Variants in CAPN8 observed in about 807,000 individuals in gnomAD.
CAPN8 encodes calpain 8, also known as calpain-8.
CAPN8 carries 87 observed loss-of-function variants against 80.9 expected under a neutral mutation model. The observed-to-expected ratio is 1.07, with a 90% confidence interval of 0.90 to 1.28. CAPN8 has a LOEUF of 1.28. Among genes scored for constraint, CAPN8 ranks in the 50% most tolerant of loss-of-function variants. The pLI is 0.00. For missense variants in CAPN8, 757 were observed against 702.0 expected (o/e 1.08, Z -0.89); for synonymous variants, 299 against 273.8 (o/e 1.09, Z -0.91).
chr1:223,665,648 G>A lies in CAPN8; in HGVS notation c.-2C>T. On this transcript the variant is annotated 5_prime_UTR_variant, in exon 1 of 21. Coordinates refer to ENST00000366872, the MANE Select transcript of CAPN8 (RefSeq NM_001143962.2). Reference sequence around the variant, plus strand: ...TACACCAGCTGCCTGGGCTGCCATGGCCGTGGGCTCTGTAGGGTGGACAGA... The same window carrying A: ...TACACCAGCTGCCTGGGCTGCCATGACCGTGGGCTCTGTAGGGTGGACAGA... 1 of 1,550,782 alleles carries A rather than the reference G, an allele frequency of 6.4e-7. No individual in the cohort carries two copies. Among genetic ancestry groups the A allele is most frequent in the Non-Finnish European group, 8.7e-7 (1 of 1,146,692 alleles).
intron 1 of CAPN8, among the ~76,000 whole-genome samples, chr1:223,659,068 C>G (rs1379682705): frequency 6.6e-6 from 1 of 152,168 alleles, no homozygotes; most frequent in African/African-American, 2.4e-5. Context: ...TTTTCTATTA[C>G]TCAAGCGAGG....
At chr1:223,551,299 C>T (rs533970217) in intron 14 of CAPN8, among the ~76,000 whole-genome samples, 7 of 152,298 alleles carry the variant, frequency 4.6e-5, no homozygotes, top group African/African-American at 1.2e-4. Flanking sequence ...CGTGCCACCA[C>T]GCCTGGCTAA....
intron 14 of CAPN8, 103 bp downstream of exon 14, chr1:223,553,729 C>T (rs1656850559): frequency 2.5e-6 from 1 of 397,980 alleles, no homozygotes; most frequent in African/African-American, 2.1e-5. Flanking sequence ...TGAGTCTCAC[C>T]CTTTTTATGC....
intron 2 of CAPN8, chr1:223,642,880 G>A (rs942672577): frequency 1.8e-5 from 8 of 452,430 alleles, no homozygotes; most frequent in African/African-American, 1.6e-4. Flanking sequence ...AACAGCTTCA[G>A]GACTTTCTGC....
chr1:223,654,949 A>G (rs1658442170), intron 1 of CAPN8, among the ~76,000 whole-genome samples: 1 of 149,510 alleles, frequency 6.7e-6, no homozygotes, highest in Admixed American at 6.8e-5. Flanking sequence ...TTGGCCTCCC[A>G]AAGTGCTGGG....
chr1:223,649,752 G>A (rs1000017501), intron 2 of CAPN8, among the ~76,000 whole-genome samples: 4 of 152,186 alleles, frequency 2.6e-5, no homozygotes, highest in Admixed American at 1.3e-4. Context: ...ATTTAATAAC[G>A]ATGATAGGCA....
At chr1:223,633,412 A>G (rs1294228657) in intron 2 of CAPN8, among the ~76,000 whole-genome samples, 1 of 152,098 alleles carries the variant, frequency 6.6e-6, no homozygotes, top group Non-Finnish European at 1.5e-5. Context: ...AAAAAAAGAA[A>G]TGTATTTGAG....
intron 13 of CAPN8, among the ~76,000 whole-genome samples, chr1:223,556,352 A>G (rs1656906105): frequency 6.6e-6 from 1 of 152,140 alleles, no homozygotes; most frequent in African/African-American, 2.4e-5. Context: ...CCCTAAAGAG[A>G]AAAAGCAGGG....
intron 2 of CAPN8, among the ~76,000 whole-genome samples, chr1:223,647,708 C>G (rs1039919741): frequency 2.0e-5 from 3 of 151,966 alleles, no homozygotes; most frequent in African/African-American, 7.3e-5. Context: ...CAGGAAGGAC[C>G]CCTTTGGCAA....
At position 223,616,000 on chromosome 1, in the gene CAPN8, G is replaced by A; in HGVS notation, c.1281C>T (p.Gly427=). The stretch of plus-strand genomic sequence containing the variant: ...AGACGGCATAGCCGATGCTAAGCAT[G>A]CCTTGTCCTATCCGCTTCCGCCACC... The part of the protein sequence containing the change: ...NRRWRKRIGQ[G]MLSIGYAVYQ... Residue 427 remains glycine, a synonymous_variant, in exon 10 of 21, where the codon GGC becomes GGT. Transcript: ENST00000366872. 6.4e-7 allele frequency: 1 copy of A among 1,552,298 alleles called. No homozygotes were observed. The highest frequency in any genetic ancestry group is 8.7e-7 in the Non-Finnish European group (1 of 1,147,130).
rs954547906 is a variant in CAPN8, at chr1:223,665,185, A to G, written c.237+225T>C. On this transcript the variant is annotated intron_variant, in intron 1 of 20. Coordinates refer to ENST00000366872, the MANE Select transcript of CAPN8 (RefSeq NM_001143962.2). Reference sequence around the variant, plus strand: ...GGAGAATCACTCAAACCCAGGAGGTAGAGGTTGCAGTGAGCTGAGATCATG... The same window carrying G: ...GGAGAATCACTCAAACCCAGGAGGTGGAGGTTGCAGTGAGCTGAGATCATG... Among the ~76,000 whole-genome samples, 8 of 151,880 alleles carry G rather than the reference A, an allele frequency of 5.3e-5. No individual in the cohort carries two copies. The East Asian group carries it at 9.8e-4, about 19-fold the overall frequency.
At chr1:223,638,703 A>G (rs1468919095) in intron 2 of CAPN8, among the ~76,000 whole-genome samples, 4 of 152,124 alleles carry the variant, frequency 2.6e-5, no homozygotes, top group Admixed American at 2.0e-4. Flanking sequence ...CCTCAAACAA[A>G]CAACATAGAA....
rs145654757 is a variant in CAPN8, at chr1:223,651,641, C to T, written c.307+2689G>A. Among the ~76,000 whole-genome samples the T allele has an allele frequency of 7.2e-5, 11 of 152,302 alleles. No homozygotes were observed. The East Asian group carries it at 7.7e-4, about 11-fold the overall frequency. On this transcript the variant is annotated intron_variant, in intron 2 of 20. Transcript: ENST00000366872. ...AGCCTAACACACCCAATATGAAGTG[C>T]GAACAAGGAGATCCACTGCCATGTG... is the stretch of plus-strand genomic sequence containing the variant.
In CAPN8 at chr1:223,660,732, C is replaced by T. The variant is rs551909245; in HGVS notation, c.237+4678G>A. 4.9e-4 allele frequency among the ~76,000 whole-genome samples: 75 copies of T among 152,282 alleles called. 1 individual carries two copies. The South Asian group carries it at 0.013, about 26-fold the overall frequency. The stretch of plus-strand genomic sequence containing the variant: ...ATCTCATCTGCTTTCCCCCAAAGGG[C>T]GGTAGAAATTAACGTCTGTGTGGGA... On this transcript the variant is annotated intron_variant, in intron 1 of 20. Transcript: ENST00000366872.
intron 16 of CAPN8, among the ~76,000 whole-genome samples, chr1:223,546,165 TA>T (rs1196780939): frequency 3.9e-5 from 6 of 152,088 alleles, no homozygotes; most frequent in Non-Finnish European, 7.4e-5. Flanking sequence ...CTTATGCTCC[TA>T]AAGTTAAGTT....
Position 223,644,927 on chromosome 1 carries a change from G to T in CAPN8, c.307+9403C>A, listed in dbSNP as rs573825903. On this transcript the variant is annotated intron_variant, in intron 2 of 20. Transcript: ENST00000366872. ...TCTCTAGAGGGACAGGACTAATAGA[G>T]ATGTATATATGAAAGGGAGTTTATT... Among the ~76,000 whole-genome samples, 3 of 152,316 alleles carry T rather than the reference G, an allele frequency of 2.0e-5. No individual in the cohort carries two copies. In the South Asian group the frequency reaches 6.2e-4, roughly 32 times the overall value.
intron 2 of CAPN8, among the ~76,000 whole-genome samples, chr1:223,652,383 A>T (rs1168869330): frequency 6.6e-6 from 1 of 152,088 alleles, no homozygotes; most frequent in Non-Finnish European, 1.5e-5. Context: ...AAACCCTTAG[A>T]GCAGATGACA....
chr1:223,555,523 T>C (rs1467469781), intron 13 of CAPN8, among the ~76,000 whole-genome samples: 1 of 152,200 alleles, frequency 6.6e-6, no homozygotes, highest in Non-Finnish European at 1.5e-5. Context: ...ATCACACATA[T>C]ATGATTTTAA....
intron 11 of CAPN8, among the ~76,000 whole-genome samples, chr1:223,611,547 G>T (rs1657031184): frequency 6.6e-6 from 1 of 152,212 alleles, no homozygotes. Context: ...AAGGACCTCT[G>T]TTGCTGCTCT....
Sources: allele counts gnomAD v4.1 joint callset (sites outside exome capture counted in the v4.1 genomes callset), GRCh38; gene constraint gnomAD v4.1.1; transcripts MANE v1.5; gene names NCBI Gene and HGNC (gene_info 2026-07-23, HGNC 2026-07-21).